PRKG1: variants seen among roughly 807,000 people sequenced by gnomAD.
PRKG1 encodes the protein cGMP-dependent protein kinase 1.
PRKG1 carries 35 observed loss-of-function variants against 88.1 expected under a neutral mutation model. The observed-to-expected ratio is 0.40, with a 90% CI of 0.30 to 0.53. PRKG1 has a LOEUF of 0.53. Ranked by LOEUF, PRKG1 falls within the 20% of genes least tolerant of loss-of-function variation. The pLI is 0.59. For missense variants in PRKG1, 540 were observed against 839.8 expected (o/e 0.64, Z 4.41); for synonymous variants, 303 against 292.5 (o/e 1.04, Z -0.37).
chr10:51,930,730 A>G (rs1174750296), intron 5 of PRKG1, among the ~76,000 whole-genome samples: 2 of 152,012 alleles, frequency 1.3e-5, no homozygotes, highest in Non-Finnish European at 2.9e-5. Context: ...ATCTCTAGCA[A>G]TCTGCCTGCC....
chr10:52,123,092 A>T (rs1334757567), intron 7 of PRKG1, among the ~76,000 whole-genome samples: 1 of 152,230 alleles, frequency 6.6e-6, no homozygotes, highest in South Asian at 2.1e-4. Context: ...AGTCTAATAA[A>T]TGGCTACATT....
At chr10:52,037,639 T>A (rs1423619162) in intron 5 of PRKG1, among the ~76,000 whole-genome samples, 2 of 152,140 alleles carry the variant, frequency 1.3e-5, no homozygotes, top group Non-Finnish European at 2.9e-5. Context: ...AAGTTGACTA[T>A]GCCTTTGGCT....
At chr10:52,002,575 C>A (rs768970389) in intron 5 of PRKG1, among the ~76,000 whole-genome samples, 1 of 152,116 alleles carries the variant, frequency 6.6e-6, no homozygotes, top group African/African-American at 2.4e-5. Context: ...GACTCACCCT[C>A]AAGATTGCTC....
intron 3 of PRKG1, among the ~76,000 whole-genome samples, chr10:51,651,818 G>T (rs147674010): frequency 0.036 from 5,442 of 152,010 alleles, 139 homozygotes; most frequent in South Asian, 0.1. Flanking sequence ...TCTTGACCTC[G>T]TGATCCACCT....
At chr10:52,004,674 G>C (rs1413473976) in intron 5 of PRKG1, among the ~76,000 whole-genome samples, 2 of 152,172 alleles carry the variant, frequency 1.3e-5, no homozygotes, top group Admixed American at 6.5e-5. Context: ...GTTGCAGAGT[G>C]ACCTGGAAGT....
upstream of PRKG1, among the ~76,000 whole-genome samples, chr10:51,074,046 C>T (rs2132801966): frequency 6.6e-6 from 1 of 152,162 alleles, no homozygotes; most frequent in Non-Finnish European, 1.5e-5. Flanking sequence ...TCAGCTGAGG[C>T]CTCCCGAGTT....
intron 3 of PRKG1, among the ~76,000 whole-genome samples, chr10:51,549,565 G>C (rs1048688793): frequency 3.3e-5 from 5 of 152,090 alleles, no homozygotes; most frequent in Non-Finnish European, 7.4e-5. Flanking sequence ...AAAAATGGTA[G>C]ATTACAATGT....
chr10:51,877,683 T>C (rs1841333101), intron 4 of PRKG1, among the ~76,000 whole-genome samples: 1 of 152,218 alleles, frequency 6.6e-6, no homozygotes, highest in African/African-American at 2.4e-5. Context: ...GTAAAGAAGA[T>C]TGAACCAATT....
intron 3 of PRKG1, among the ~76,000 whole-genome samples, chr10:51,663,003 A>T (rs1840337254): frequency 6.6e-6 from 1 of 152,146 alleles, no homozygotes; most frequent in Admixed American, 6.6e-5. Context: ...AACTCAGGCA[A>T]CTACCAAATG....
chr10:51,133,606 C>A (rs1845622332), intron 1 of PRKG1, among the ~76,000 whole-genome samples: 2 of 152,166 alleles, frequency 1.3e-5, no homozygotes, highest in South Asian at 4.1e-4. Context: ...ACATTTACTG[C>A]CTGACTTTCT....
chr10:51,695,865 A>C (rs1452900941), intron 3 of PRKG1: 1 of 152,162 alleles, frequency 6.6e-6, no homozygotes, highest in East Asian at 1.9e-4. Context: ...CTTTGTATTA[A>C]ACATTTTTTC....
At chr10:51,574,354 T>C (rs1035242966) in intron 3 of PRKG1, among the ~76,000 whole-genome samples, 9 of 151,920 alleles carry the variant, frequency 5.9e-5, no homozygotes, top group African/African-American at 2.2e-4. Context: ...AGGGGAGGGT[T>C]GCATGATTGC....
At chr10:51,193,543 T>C (rs1002093571) in intron 2 of PRKG1, among the ~76,000 whole-genome samples, 6 of 152,026 alleles carry the variant, frequency 3.9e-5, no homozygotes, top group Middle Eastern at 6.3e-3. Flanking sequence ...AGTGCCAACA[T>C]CTTTTGGACA....
chr10:51,579,084 C>T (rs929895785), intron 3 of PRKG1, among the ~76,000 whole-genome samples: 1 of 146,390 alleles, frequency 6.8e-6, no homozygotes, highest in Middle Eastern at 3.4e-3. Context: ...TGGGTTCAAG[C>T]GATTATCATG....
chr10:51,550,370 TTC>T (rs1837098435), intron 3 of PRKG1, among the ~76,000 whole-genome samples: 1 of 152,082 alleles, frequency 6.6e-6, no homozygotes, highest in Non-Finnish European at 1.5e-5. Flanking sequence ...TTTTGCTGTC[TTC>T]TTTTTTAAAA....
intron 3 of PRKG1, among the ~76,000 whole-genome samples, chr10:51,661,833 T>C (rs1840306986): frequency 6.6e-6 from 1 of 152,168 alleles, no homozygotes; most frequent in Non-Finnish European, 1.5e-5. Flanking sequence ...CCAACCCAAA[T>C]GTCCATCAAT....
At chr10:52,109,414 T>C (rs1847502523) in intron 7 of PRKG1, among the ~76,000 whole-genome samples, 2 of 152,108 alleles carry the variant, frequency 1.3e-5, no homozygotes, top group South Asian at 4.1e-4. Context: ...AAATACAGGG[T>C]TTGACTTCTC....
At chr10:51,578,482 G>A (rs1190318829) in intron 3 of PRKG1, among the ~76,000 whole-genome samples, 1 of 152,100 alleles carries the variant, frequency 6.6e-6, no homozygotes, top group Non-Finnish European at 1.5e-5. Context: ...CATGGTAAGT[G>A]TAGAAGTATA....
At chr10:51,412,015 C>T (rs1381333514) in intron 2 of PRKG1, among the ~76,000 whole-genome samples, 1 of 152,104 alleles carries the variant, frequency 6.6e-6, no homozygotes, top group Non-Finnish European at 1.5e-5. Context: ...AAAAGTGTCT[C>T]ATTATCTGAT....
Sources: gnomAD v4.1 joint callset for allele counts (sites outside exome capture counted in the v4.1 genomes callset) on GRCh38, gnomAD v4.1.1 for gene constraint, MANE v1.5 for transcripts, NCBI Gene and HGNC (gene_info 2026-07-23, HGNC 2026-07-21) for gene names.